The following CTNNA3 variants were observed in gnomAD, a reference collection of about 807,000 sequenced individuals.
The protein encoded by CTNNA3 is catenin alpha-3.
A neutral mutation model predicts 95.7 loss-of-function variants in CTNNA3; 76 were observed. That is an observed-to-expected ratio of 0.79 (90% CI 0.66 to 0.96). CTNNA3 has a LOEUF of 0.96. Among genes scored for constraint, CTNNA3 ranks in the 40% least tolerant of loss-of-function variants. The pLI is 0.00. For synonymous variants in CTNNA3, 431 were observed against 374.4 expected (o/e 1.15, Z -1.74); for missense variants, 1,191 against 1,089.8 (o/e 1.09, Z -1.31).
At position 67,180,357 on chromosome 10, in the gene CTNNA3, C is replaced by A. The variant is rs372482202; in HGVS notation, c.1007G>T (p.Arg336Leu). Residue 336 changes from arginine to leucine, a missense_variant, in exon 7 of 18, where the codon CGC becomes CTC. By Grantham distance (102) the Arg-to-Leu change is moderately radical. Coordinates refer to ENST00000433211, the MANE Select transcript of CTNNA3 (RefSeq NM_013266.4). ...TGAAAGCAGATCCTGAAGAGCCTGG[C>A]GAATGGCGTTGCATTCTGCGATAAT... ...ERIIAECNAI[R>L]QALQDLLSEY... 4.2e-5 allele frequency: 68 copies of A among 1,613,452 alleles called. 1 individual carries two copies. The South Asian group carries it at 7.2e-4, about 17-fold the overall frequency.
rs377580361 is a variant in CTNNA3, at chr10:65,950,157, AACAC to A, written c.2400+16451_2400+16454del. 6.7e-3 allele frequency among the ~76,000 whole-genome samples: 1,010 copies of A among 150,302 alleles called. 5 individuals are homozygous for A. The highest frequency in any genetic ancestry group is 0.011 in the Non-Finnish European group (727 of 67,404). On this transcript the variant is annotated intron_variant, in intron 17 of 17. Coordinates refer to ENST00000433211, the MANE Select transcript of CTNNA3 (RefSeq NM_013266.4). ...TGGAATTTCATTGATTTTGCTAGGG[AACAC>A]ACACACACACACACACAAACAACCT...
At chr10:67,442,532 GA>G (rs1846560413) in intron 5 of CTNNA3, among the ~76,000 whole-genome samples, 1 of 151,968 alleles carries the variant, frequency 6.6e-6, no homozygotes, top group East Asian at 1.9e-4. Context: ...TACTCTATCT[GA>G]ATGAACAGCC....
At chr10:67,556,796 G>C (rs1841274845) in intron 3 of CTNNA3, among the ~76,000 whole-genome samples, 1 of 152,054 alleles carries the variant, frequency 6.6e-6, no homozygotes, top group African/African-American at 2.4e-5. Context: ...CCTTCTGCTA[G>C]CTTTTGAATG....
intron 5 of CTNNA3, among the ~76,000 whole-genome samples, chr10:67,341,610 A>G (rs901132059): frequency 6.6e-6 from 1 of 152,138 alleles, no homozygotes; most frequent in Non-Finnish European, 1.5e-5. Context: ...TGGACACTTA[A>G]GTTGCTTCCA....
At position 66,332,495 on chromosome 10, in the gene CTNNA3, T is replaced by C. The variant is rs566335041; in HGVS notation, c.1732+46657A>G. Among the ~76,000 whole-genome samples, 4 of 152,178 alleles carry C rather than the reference T, an allele frequency of 2.6e-5. No homozygotes were observed. The South Asian group carries it at 8.3e-4, about 32-fold the overall frequency. On this transcript the variant is annotated intron_variant, in intron 12 of 17. Transcript: ENST00000433211. Reference sequence around the variant, plus strand: ...ATCTATTGAGATAATCATGTGGTTTTTGTCATTGGTTCTGTTTATACACTG... The same window carrying C: ...ATCTATTGAGATAATCATGTGGTTTCTGTCATTGGTTCTGTTTATACACTG...
At chr10:66,360,739 TCTTTCTTCCTTC>T (rs796946593) in intron 12 of CTNNA3, among the ~76,000 whole-genome samples, 1,307 of 82,088 alleles carry the variant, frequency 0.016, 142 homozygotes, top group African/African-American at 0.026. Flanking sequence ...TTTCTTTCTT[TCTTTCTTCCTTC>T]CTTCCTTCCT....
chr10:66,602,194 A>ATT (rs1843952202), intron 10 of CTNNA3, among the ~76,000 whole-genome samples: 1 of 151,914 alleles, frequency 6.6e-6, no homozygotes, highest in Non-Finnish European at 1.5e-5. Context: ...ATTAACCCTC[A>ATT]AGACAAGGTT....
intron 7 of CTNNA3, among the ~76,000 whole-genome samples, chr10:67,036,869 T>C (rs1439109861): frequency 6.6e-6 from 1 of 151,806 alleles, no homozygotes; most frequent in Non-Finnish European, 1.5e-5. Context: ...ATATAAAACA[T>C]TGGATAAAAA....
chr10:67,737,253 G>C (rs1407708314), intron 1 of CTNNA3, among the ~76,000 whole-genome samples: 1 of 151,990 alleles, frequency 6.6e-6, no homozygotes, highest in African/African-American at 2.4e-5. Flanking sequence ...ATGACCAATG[G>C]ATCAATGAAT....
intron 9 of CTNNA3, among the ~76,000 whole-genome samples, chr10:66,740,425 C>G (rs1849290726): frequency 6.6e-6 from 1 of 152,194 alleles, no homozygotes; most frequent in South Asian, 2.1e-4. Context: ...CATTTTCAGA[C>G]TACCTTTATG....
intron 7 of CTNNA3, among the ~76,000 whole-genome samples, chr10:67,031,430 G>T (rs368500092): frequency 3.9e-5 from 6 of 152,084 alleles, no homozygotes; most frequent in African/African-American, 1.4e-4. Flanking sequence ...ACTATACATT[G>T]TGCTTATCAC....
chr10:67,622,340 G>A (rs894028011), intron 2 of CTNNA3, among the ~76,000 whole-genome samples: 2 of 152,186 alleles, frequency 1.3e-5, no homozygotes, highest in Non-Finnish European at 2.9e-5. Context: ...AGTTAGAAGT[G>A]GGTATCTATG....
At chr10:66,779,225 G>A (rs1840432914) in intron 7 of CTNNA3, among the ~76,000 whole-genome samples, 1 of 152,032 alleles carries the variant, frequency 6.6e-6, no homozygotes, top group Non-Finnish European at 1.5e-5. Context: ...ACCTTAATGG[G>A]TCTTTTCTAT....
At chr10:66,632,750 C>A (rs1205199310) in intron 9 of CTNNA3, among the ~76,000 whole-genome samples, 2 of 151,112 alleles carry the variant, frequency 1.3e-5, no homozygotes, top group Non-Finnish European at 1.5e-5. Flanking sequence ...TTTTAAATGT[C>A]AAAATATTGA....
chr10:67,501,856 C>CAG lies in CTNNA3; in HGVS notation c.579+19985_579+19986insCT, dbSNP rs200999319. ...CCTCTAAACTGGTTATTCTAGTTAG[C>CAG]AATTCCTCTAACCTTTTTTCAAGGT... On this transcript the variant is annotated intron_variant, in intron 5 of 17. Coordinates refer to ENST00000433211, the MANE Select transcript of CTNNA3 (RefSeq NM_013266.4). 9.4e-3 allele frequency among the ~76,000 whole-genome samples: 1,427 copies of CAG among 152,252 alleles called. 38 individuals carry two copies. Among genetic ancestry groups the CAG allele is most frequent in the Admixed American group, 0.054 (829 of 15,292 alleles).
chr10:66,563,747 T>A (rs1260819136), intron 10 of CTNNA3, among the ~76,000 whole-genome samples: 1 of 152,120 alleles, frequency 6.6e-6, no homozygotes, highest in Admixed American at 6.6e-5. Context: ...TCTGCTCAAA[T>A]GAGACAAATG....
intron 9 of CTNNA3, among the ~76,000 whole-genome samples, chr10:66,762,538 A>G (rs575381470): frequency 1.3e-5 from 2 of 151,920 alleles, no homozygotes; most frequent in South Asian, 4.2e-4. Context: ...CTACAATAAT[A>G]GATGTGGTGA....
chr10:67,301,743 T>C (rs763984759), intron 5 of CTNNA3, among the ~76,000 whole-genome samples: 4 of 151,652 alleles, frequency 2.6e-5, no homozygotes, highest in Non-Finnish European at 5.9e-5. Context: ...CCAAGGCGGG[T>C]GGATCACGAG....
At chr10:66,041,302 T>C (rs1009737889) in intron 15 of CTNNA3, among the ~76,000 whole-genome samples, 3 of 152,170 alleles carry the variant, frequency 2.0e-5, no homozygotes, top group African/African-American at 7.2e-5. Flanking sequence ...CCAAAGGAGA[T>C]ATGGCAGCTA....
Sources: gnomAD v4.1 joint callset for allele counts (sites outside exome capture counted in the v4.1 genomes callset) on GRCh38, gnomAD v4.1.1 for gene constraint, MANE v1.5 for transcripts, NCBI Gene and HGNC (gene_info 2026-07-23, HGNC 2026-07-21) for gene names.